The following F8 variants were observed in gnomAD, a reference collection of about 807,000 sequenced individuals.
The protein encoded by F8 is antihemophilic factor.
F8 carries 12 observed loss-of-function variants against 140.6 expected under a neutral mutation model. The observed-to-expected ratio is 0.09, with a 90% CI of 0.05 to 0.14. F8 has a LOEUF of 0.14. Among genes scored for constraint, F8 ranks in the 10% least tolerant of loss-of-function variants. F8 has a pLI of 1.00. For missense variants in F8, 1,354 were observed against 1,720.7 expected (o/e 0.79, Z 3.77); for synonymous variants, 585 against 614.6 (o/e 0.95, Z 0.71).
intron 14 of F8, among the ~76,000 whole-genome samples, chrX:154,923,896 C>T (rs782330434): frequency 3.6e-5 from 4 of 111,304 alleles, no homozygotes; most frequent in East Asian, 2.8e-4. Flanking sequence ...CACTTGAACC[C>T]GGGAGGTGGA....
intron 13 of F8, among the ~76,000 whole-genome samples, chrX:154,944,733 C>T (rs1475606736): frequency 1.3e-4 from 15 of 111,302 alleles, no homozygotes; most frequent in African/African-American, 3.6e-4. Context: ...ATGTTTATAG[C>T]GGCAGTATTC....
Position 154,888,406 on chromosome X carries a change from TC to T in F8, c.6429+7670del, listed in dbSNP as rs1225920206. Among the ~76,000 whole-genome samples the T allele has an allele frequency of 1.3e-3, 96 of 73,664 alleles. 1 individual carries two copies. Among genetic ancestry groups the T allele is most frequent in the South Asian group, 4.7e-3 (7 of 1,475 alleles). The allele number at this position is 73,664 out of a possible 115,157, so 64.0% of individuals were successfully genotyped here. On this transcript the variant is annotated intron_variant, in intron 22 of 25. Coordinates refer to ENST00000360256, the MANE Select transcript of F8 (RefSeq NM_000132.4). ...TTTTTTTTTTTTTTTTTTTTTTTTT[TC>T]CCCCCGAGATGGAGTCTCACTCTGT...
intron 25 of F8, among the ~76,000 whole-genome samples, chrX:154,854,210 T>G (rs1457705305): frequency 8.9e-6 from 1 of 112,254 alleles, no homozygotes; most frequent in African/African-American, 3.2e-5. Flanking sequence ...GCCCATATAT[T>G]TGATTAAACT....
chrX:154,868,052 A>G (rs1055026670), intron 22 of F8, among the ~76,000 whole-genome samples: 2 of 112,414 alleles, frequency 1.8e-5, no homozygotes, highest in East Asian at 5.5e-4. Flanking sequence ...AATAAAGACC[A>G]TATAGGAAAA....
At chrX:154,863,916 T>C (rs2072713070) in intron 22 of F8, among the ~76,000 whole-genome samples, 1 of 111,273 alleles carries the variant, frequency 9.0e-6, no homozygotes, top group Admixed American at 9.5e-5. Context: ...GCAACTCCCA[T>C]TGGCAACCCC....
intron 3 of F8, among the ~76,000 whole-genome samples, chrX:154,995,534 T>G (rs1044276737): frequency 6.2e-5 from 7 of 112,020 alleles, no homozygotes; most frequent in Non-Finnish European, 1.3e-4. Context: ...TGAACCTAGT[T>G]TTCCTTGGAC....
chrX:154,846,471 A>T (rs868964001), intron 25 of F8, among the ~76,000 whole-genome samples: 1 of 111,841 alleles, frequency 8.9e-6, no homozygotes. Flanking sequence ...GTGCTCCTGT[A>T]TTGGGTGCAT....
At chrX:154,935,981 AACACACACACACACACAC>A (rs782071576) in intron 13 of F8, among the ~76,000 whole-genome samples, 2 of 88,316 alleles carry the variant, frequency 2.3e-5, no homozygotes, top group African/African-American at 8.6e-5. Flanking sequence ...ATGCCAAAGT[AACACACACACACACACAC>A]ACACACACAC....
chrX:154,878,428 CAA>C (rs57418004), intron 22 of F8, among the ~76,000 whole-genome samples: 1,093 of 26,695 alleles, frequency 0.041, 11 homozygotes, highest in African/African-American at 0.075. Context: ...TTTTCATGAC[CAA>C]AAAAAAAAAA....
At chrX:155,003,316 T>C (rs1250998287) in intron 1 of F8, among the ~76,000 whole-genome samples, 1 of 110,360 alleles carries the variant, frequency 9.1e-6, no homozygotes, top group African/African-American at 3.3e-5. Context: ...AAGAATGTCT[T>C]TGATGGGCTC....
intron 13 of F8, among the ~76,000 whole-genome samples, chrX:154,946,655 T>C (rs1185052233): frequency 9.0e-6 from 1 of 111,514 alleles, no homozygotes; most frequent in East Asian, 2.8e-4. Flanking sequence ...CGCCAGGACA[T>C]TGGTCTGGGA....
intron 21 of F8, among the ~76,000 whole-genome samples, 159 bp from the exon 22 acceptor site, chrX:154,896,391 T>C (rs1466817293): frequency 1.8e-5 from 2 of 111,449 alleles, no homozygotes; most frequent in South Asian, 3.8e-4. Flanking sequence ...GAAATGTGCA[T>C]GTGTGTGTGA....
At chrX:154,987,095 G>A in intron 5 of F8, 142 bp downstream of exon 5, 1 of 497,958 alleles carries the variant, frequency 2.0e-6, no homozygotes, top group South Asian at 3.7e-5. Flanking sequence ...GTTACGTTTT[G>A]TTTTCTTGGA....
At chrX:154,944,503 T>G (rs1557280134) in intron 13 of F8, among the ~76,000 whole-genome samples, 1 of 111,066 alleles carries the variant, frequency 9.0e-6, no homozygotes. Context: ...TGGCGATCAT[T>G]AAAAAGTCAG....
chrX:154,837,945 G>C (rs2072487734), intron 25 of F8, among the ~76,000 whole-genome samples, 193 bp from the exon 26 acceptor site: 1 of 111,718 alleles, frequency 9.0e-6, no homozygotes, highest in African/African-American at 3.3e-5. Flanking sequence ...CTTCACTCTA[G>C]CTAGGCCTTA....
chrX:154,840,686 C>T (rs1557271288), intron 25 of F8, among the ~76,000 whole-genome samples: 3 of 112,388 alleles, frequency 2.7e-5, no homozygotes, highest in African/African-American at 9.7e-5. Context: ...TCTAGGGCTA[C>T]TGTAACAAAT....
In F8 at chrX:154,903,998, T is replaced by C; in HGVS notation, c.5906A>G (p.Asn1969Ser). 2 of 1,211,203 alleles carry C rather than the reference T, an allele frequency of 1.7e-6. No homozygotes were observed. ...GAAATGAATAGAATGGATGTTTTCATTGCTGCCCATGCTGAGCAGATACCA... is the reference window on the plus strand; with the variant it reads ...GAAATGAATAGAATGGATGTTTTCACTGCTGCCCATGCTGAGCAGATACCA... Reference protein sequence around the residue: ...IRWYLLSMGSNENIHSIHFSG... With the variant: ...IRWYLLSMGSSENIHSIHFSG... Residue 1969 changes from asparagine to serine, a missense_variant, in exon 18 of 26, where the codon AAT becomes AGT. Physicochemically the swap from Asn to Ser is conservative, Grantham distance 46. Transcript: ENST00000360256.
rs782414632 is a variant in F8 at position 155,012,092 on chromosome X, G to T, written c.143+10318C>A. The stretch of plus-strand genomic sequence containing the variant: ...TAAAGATGATAGTTGTACACTTTAC[G>T]GATTCACTAAAAACCACTGAATTGT... On this transcript the variant is annotated intron_variant, in intron 1 of 25. Coordinates refer to ENST00000360256, the MANE Select transcript of F8 (RefSeq NM_000132.4). Among the ~76,000 whole-genome samples, 3 of 111,633 alleles carry T rather than the reference G, an allele frequency of 2.7e-5. No individual in the cohort carries two copies. The Admixed American group carries it at 2.9e-4, about 11-fold the overall frequency.
At chrX:154,920,991 TTTC>T (rs1557277522) in intron 14 of F8, among the ~76,000 whole-genome samples, 1 of 112,088 alleles carries the variant, frequency 8.9e-6, no homozygotes, top group East Asian at 2.8e-4. Context: ...AAGCATCCTC[TTTC>T]TTCAGCTTGA....
Sources: allele counts gnomAD v4.1 joint callset (sites outside exome capture counted in the v4.1 genomes callset), GRCh38; gene constraint gnomAD v4.1.1; transcripts MANE v1.5; gene names NCBI Gene and HGNC (gene_info 2026-07-23, HGNC 2026-07-21).